NUP43: variants seen among roughly 807,000 people sequenced by gnomAD.
NUP43 encodes nucleoporin 43.
A neutral mutation model predicts 47.3 loss-of-function variants in NUP43; 32 were observed. The ratio of observed to expected loss-of-function variants is 0.68; its 90% confidence interval spans 0.51 to 0.91. NUP43 has a LOEUF of 0.91. NUP43 is among the 40% of genes least tolerant of loss of function. The pLI is 0.00. For missense variants in NUP43, 444 were observed against 453.9 expected (o/e 0.98, Z 0.20); for synonymous variants, 147 against 158.4 (o/e 0.93, Z 0.54).
intron 1 of NUP43, 27 bp from the exon 2 acceptor site, chr6:149,746,089 G>A: frequency 1.2e-6 from 2 of 1,605,408 alleles, no homozygotes; most frequent in Non-Finnish European, 1.7e-6. Flanking sequence ...TTTGTCTTGA[G>A]ATGACATAAA....
At chr6:149,741,537 C>T (rs925038304) in intron 4 of NUP43, among the ~76,000 whole-genome samples, 17 of 151,774 alleles carry the variant, frequency 1.1e-4, no homozygotes, top group Non-Finnish European at 1.9e-4. Flanking sequence ...GATGAAGTCT[C>T]TCTCTGTCAC....
At chr6:149,739,368 CCT>C (rs1219837264) in intron 4 of NUP43, among the ~76,000 whole-genome samples, 1 of 152,034 alleles carries the variant, frequency 6.6e-6, no homozygotes, top group African/African-American at 2.4e-5. Flanking sequence ...CTCACTACAA[CCT>C]CCGCCTCCCA....
chr6:149,739,936 C>T (rs552423597), intron 4 of NUP43, among the ~76,000 whole-genome samples: 36 of 152,232 alleles, frequency 2.4e-4, no homozygotes, highest in African/African-American at 8.7e-4. Flanking sequence ...ACTTTATGGA[C>T]TTTAGTTTGT....
chr6:149,734,298 C>A (rs767561772), intron 6 of NUP43, among the ~76,000 whole-genome samples: 1 of 151,864 alleles, frequency 6.6e-6, no homozygotes, highest in Non-Finnish European at 1.5e-5. Flanking sequence ...TGCCACTGCA[C>A]TCCAGCCTGG....
In NUP43 at chr6:149,746,496, G is replaced by A. The variant is rs760371409; in HGVS notation, c.-1C>T. ...CAAACTTCGCATAAATTTCCTCCATGCCGAAAGCGGCCGCAGCAGGTACTG... is the reference window on the plus strand; with the variant it reads ...CAAACTTCGCATAAATTTCCTCCATACCGAAAGCGGCCGCAGCAGGTACTG... On this transcript the variant is annotated 5_prime_UTR_variant, in exon 1 of 8. Transcript: ENST00000340413. 44 of 1,614,050 alleles carry A rather than the reference G, an allele frequency of 2.7e-5. No individual in the cohort carries two copies. Among genetic ancestry groups the A allele is most frequent in the Non-Finnish European group, 3.6e-5 (42 of 1,180,036 alleles).
Position 149,741,259 on chromosome 6 carries a change from AG to A in NUP43, c.502+1130del, listed in dbSNP as rs1785638697. On this transcript the variant is annotated intron_variant, in intron 4 of 7. Coordinates refer to ENST00000340413, the MANE Select transcript of NUP43 (RefSeq NM_198887.3). The stretch of plus-strand genomic sequence containing the variant: ...TGATCTCGGCTCACTGCAGCCTCTC[AG>A]TCTCTCAGGTTCAAGCGATTCTCAT... Among the ~76,000 whole-genome samples the A allele has an allele frequency of 2.6e-5, 4 of 152,026 alleles. No individual in the cohort carries two copies. The South Asian group carries it at 8.3e-4, about 32-fold the overall frequency.
rs937843404 is a variant in NUP43 at position 149,742,969 on chromosome 6, G to A, written c.322-399C>T. ...GGCAGGCAGATCATCTGAGATCAGG[G>A]GTTCGAGACCAGCCTGGCCAATATG... On this transcript the variant is annotated intron_variant, in intron 3 of 7. Coordinates refer to ENST00000340413, the MANE Select transcript of NUP43 (RefSeq NM_198887.3). 5.3e-5 allele frequency among the ~76,000 whole-genome samples: 8 copies of A among 151,794 alleles called. No individual in the cohort carries two copies. In the East Asian group the frequency reaches 1.6e-3, roughly 29 times the overall value.
intron 4 of NUP43, 67 bp downstream of exon 4, chr6:149,742,323 G>C: frequency 3.4e-6 from 5 of 1,486,052 alleles, no homozygotes; most frequent in Non-Finnish European, 4.7e-6. Flanking sequence ...ACCACACCCA[G>C]CCTAACTTTT....
At chr6:149,729,366 T>C (rs1372987340) in intron 7 of NUP43, 4 of 181,870 alleles carry the variant, frequency 2.2e-5, no homozygotes, top group Non-Finnish European at 4.2e-5. Context: ...TCCAGGCTGC[T>C]TTGCCATCTG....
At chr6:149,733,846 C>T (rs1015490584) in intron 6 of NUP43, among the ~76,000 whole-genome samples, 7 of 149,628 alleles carry the variant, frequency 4.7e-5, no homozygotes, top group East Asian at 2.0e-4. Context: ...TTTTTTGAGA[C>T]GGAGTTTCAC....
At chr6:149,744,158 G>C (rs866152717) in intron 2 of NUP43, among the ~76,000 whole-genome samples, 12 of 152,126 alleles carry the variant, frequency 7.9e-5, no homozygotes, top group Admixed American at 2.6e-4. Flanking sequence ...AGGTTGCAGT[G>C]AGCCAAGATT....
At chr6:149,743,762 G>A (rs760568641) in intron 2 of NUP43, 47 bp from the exon 3 acceptor site, 26 of 1,179,710 alleles carry the variant, frequency 2.2e-5, no homozygotes, top group South Asian at 3.9e-5. Flanking sequence ...ATATTAGCAG[G>A]GAGGAAGTCC....
intron 2 of NUP43, among the ~76,000 whole-genome samples, chr6:149,744,994 G>A (rs984983781): frequency 4.7e-4 from 70 of 150,442 alleles, no homozygotes; most frequent in Non-Finnish European, 8.3e-4. Flanking sequence ...CTCTGCGCCC[G>A]GGTTCAAGCG....
At chr6:149,739,792 A>C (rs1331943935) in intron 4 of NUP43, among the ~76,000 whole-genome samples, 1 of 152,040 alleles carries the variant, frequency 6.6e-6, no homozygotes, top group Non-Finnish European at 1.5e-5. Flanking sequence ...ATTATTCTGC[A>C]GACTCATCCC....
At chr6:149,746,193 T>G (rs1785986214) in intron 1 of NUP43, 131 bp from the exon 2 acceptor site, 1 of 1,327,476 alleles carries the variant, frequency 7.5e-7, no homozygotes, top group African/African-American at 1.5e-5. Context: ...CACAACGAGA[T>G]ACGAGGCTCA....
At chr6:149,746,947 C>T (rs748944604), upstream of NUP43, among the ~76,000 whole-genome samples, 7 of 152,266 alleles carry the variant, frequency 4.6e-5, no homozygotes, top group African/African-American at 1.7e-4. Context: ...TATCCCAAAC[C>T]TCTCCCTCTT....
intron 5 of NUP43, among the ~76,000 whole-genome samples, chr6:149,736,860 T>C (rs1785389337): frequency 6.6e-6 from 1 of 152,260 alleles, no homozygotes. Context: ...GGTTAACTTT[T>C]TGTATTTTTG....
In NUP43 at chr6:149,726,988, G is replaced by C. The variant is rs780250614; in HGVS notation, c.1124C>G (p.Thr375Ser). The change falls in exon 8 of 8, where the codon ACT becomes AGT. Residue 375 changes from threonine (T) to serine (S), a missense_variant. Physicochemically the swap from Thr to Ser is moderately conservative, Grantham distance 58. Coordinates refer to ENST00000340413, the MANE Select transcript of NUP43 (RefSeq NM_198887.3). ...CGTDAEAIYV[T>S]RHLFS ...GTACTTCTACGAAAAAAGATGTCTA[G>C]TAACATAAATTGCTTCTGCATCGGT... 1.9e-6 allele frequency: 3 copies of C among 1,613,210 alleles called. No homozygotes were observed. In the Admixed American group the frequency reaches 5.0e-5, roughly 27 times the overall value.
In NUP43 at chr6:149,736,571, C is replaced by T. The variant is rs1426968349; in HGVS notation, c.690G>A (p.Gln230=). 1.2e-6 allele frequency: 2 copies of T among 1,610,402 alleles called. No homozygotes were observed. The highest frequency in any genetic ancestry group is 8.5e-7 in the Non-Finnish European group (1 of 1,177,080). The change falls in exon 6 of 8, where the codon CAG becomes CAA. Residue 230 remains glutamine (Q), a synonymous_variant. Transcript: ENST00000340413. Reference sequence around the variant, plus strand: ...CTTGGCCACCAGTAGCTACAACATGCTGTTGGTTGGGATGTCTATCAACAC... The same window carrying T: ...CTTGGCCACCAGTAGCTACAACATGTTGTTGGTTGGGATGTCTATCAACAC... ...LHCVDRHPNQ[Q]HVVATGGQDG...
Sources: gnomAD v4.1 joint callset for allele counts (sites outside exome capture counted in the v4.1 genomes callset) on GRCh38, gnomAD v4.1.1 for gene constraint, MANE v1.5 for transcripts, NCBI Gene and HGNC (gene_info 2026-07-23, HGNC 2026-07-21) for gene names.